BCKDHB: variants seen among roughly 807,000 people sequenced by gnomAD.
BCKDHB encodes the protein 2-oxoisovalerate dehydrogenase subunit beta, mitochondrial.
Under a neutral mutation model 48.5 loss-of-function variants are expected in BCKDHB, and 41 were observed. That is an observed-to-expected ratio of 0.85 (90% confidence interval 0.66 to 1.10). The LOEUF (loss-of-function observed/expected upper bound fraction) is 1.10, where lower values mean the gene tolerates loss of function less well. Among genes scored for constraint, BCKDHB ranks in the 50% least tolerant of loss-of-function variants. The pLI is 0.00. For synonymous variants in BCKDHB, 201 were observed against 174.8 expected (o/e 1.15, Z -1.18); for missense variants, 496 against 494.2 (o/e 1.00, Z -0.03).
At chr6:80,256,550 T>C (rs1319023138) in intron 8 of BCKDHB, among the ~76,000 whole-genome samples, 2 of 152,222 alleles carry the variant, frequency 1.3e-5, no homozygotes, top group Admixed American at 1.3e-4. Context: ...TGACTGTATA[T>C]ACACACACAT....
intron 9 of BCKDHB, among the ~76,000 whole-genome samples, chr6:80,328,426 C>G (rs1427833941): frequency 6.6e-6 from 1 of 152,146 alleles, no homozygotes; most frequent in South Asian, 2.1e-4. Context: ...CTTTCTAATA[C>G]AATATTAGCC....
chr6:80,141,622 C>T (rs1053914289), intron 3 of BCKDHB, among the ~76,000 whole-genome samples: 2 of 151,726 alleles, frequency 1.3e-5, no homozygotes, highest in Non-Finnish European at 2.9e-5. Context: ...AATGTGAGCA[C>T]CAATAGGGGC....
chr6:80,138,164 G>T (rs1250304260), intron 3 of BCKDHB, among the ~76,000 whole-genome samples: 7 of 152,054 alleles, frequency 4.6e-5, no homozygotes, highest in Non-Finnish European at 1.0e-4. Flanking sequence ...AGGTGGAGTT[G>T]CTCAGTGGCA....
intron 8 of BCKDHB, among the ~76,000 whole-genome samples, chr6:80,249,554 G>A (rs776032039): frequency 2.6e-5 from 4 of 152,148 alleles, no homozygotes; most frequent in Admixed American, 2.0e-4. Context: ...TCCAAATAGT[G>A]AAATAGCCTG....
intron 9 of BCKDHB, among the ~76,000 whole-genome samples, chr6:80,323,872 A>C (rs1055105995): frequency 2.6e-5 from 4 of 152,132 alleles, no homozygotes; most frequent in Admixed American, 2.0e-4. Flanking sequence ...CCCCGGGTTC[A>C]CGCCATTCTC....
intron 3 of BCKDHB, among the ~76,000 whole-genome samples, chr6:80,132,937 C>G (rs1468661243): frequency 6.6e-6 from 1 of 152,162 alleles, no homozygotes; most frequent in Middle Eastern, 3.2e-3. Flanking sequence ...TTTAGCTATA[C>G]AGAAGCATAA....
chr6:80,217,854 G>A (rs1029116485), intron 8 of BCKDHB, among the ~76,000 whole-genome samples: 4 of 152,184 alleles, frequency 2.6e-5, no homozygotes, highest in African/African-American at 9.6e-5. Flanking sequence ...GGTAACTAGA[G>A]CGAAGAAGGG....
At position 80,235,821 on chromosome 6, in the gene BCKDHB, G is replaced by A. The variant is rs1776124869; in HGVS notation, c.951+32609G>A. On this transcript the variant is annotated intron_variant, in intron 8 of 9. Coordinates refer to ENST00000320393, the MANE Select transcript of BCKDHB (RefSeq NM_183050.4). ...TTTTATGAACAGCAGATGGCAACAGGACAATGGTCAGTCAGCTTGACTGAG... is the reference window on the plus strand; with the variant it reads ...TTTTATGAACAGCAGATGGCAACAGAACAATGGTCAGTCAGCTTGACTGAG... 2.0e-5 allele frequency among the ~76,000 whole-genome samples: 3 copies of A among 152,136 alleles called. No individual in the cohort carries two copies. The South Asian group carries it at 6.2e-4, about 32-fold the overall frequency.
chr6:80,281,704 C>G (rs990764204), intron 9 of BCKDHB, among the ~76,000 whole-genome samples: 1 of 152,060 alleles, frequency 6.6e-6, no homozygotes, highest in South Asian at 2.1e-4. Context: ...ATTTGCAGTC[C>G]TCCCTGGCAG....
intron 8 of BCKDHB, among the ~76,000 whole-genome samples, chr6:80,257,596 C>T (rs1777108123): frequency 6.6e-6 from 1 of 151,952 alleles, no homozygotes; most frequent in South Asian, 2.1e-4. Context: ...GTTTTATGTG[C>T]TTATCGAGGC....
chr6:80,237,882 TA>T (rs1033091961), intron 8 of BCKDHB, among the ~76,000 whole-genome samples: 14 of 151,656 alleles, frequency 9.2e-5, no homozygotes, highest in African/African-American at 1.9e-4. Flanking sequence ...CAGACTGCTA[TA>T]AAAAAAAGGA....
chr6:80,202,229 A>G (rs1774431054), intron 7 of BCKDHB, among the ~76,000 whole-genome samples: 1 of 152,090 alleles, frequency 6.6e-6, no homozygotes, highest in South Asian at 2.1e-4. Flanking sequence ...TGGTTTACTT[A>G]GCAACCTCTG....
At chr6:80,461,236 A>C in the BCKDHB span, among the ~76,000 whole-genome samples, 1 of 152,048 alleles carries the variant, frequency 6.6e-6, no homozygotes, top group Non-Finnish European at 1.5e-5. Flanking sequence ...TGCTTCTCCT[A>C]TTCTTCCTGT....
At chr6:80,409,586 A>G in the BCKDHB span, among the ~76,000 whole-genome samples, 13 of 12,394 alleles carry the variant, frequency 1.0e-3, no homozygotes, top group African/African-American at 4.5e-3. Flanking sequence ...ATATATATAT[A>G]TATATATATA....
intron 3 of BCKDHB, among the ~76,000 whole-genome samples, chr6:80,133,826 A>G (rs2505933): frequency 0.036 from 5,453 of 152,118 alleles, 315 homozygotes; most frequent in African/African-American, 0.12. Context: ...TATTTTTAGT[A>G]GAGACGGGGT....
intron 3 of BCKDHB, among the ~76,000 whole-genome samples, chr6:80,144,381 C>A (rs2127745752): frequency 6.6e-6 from 1 of 152,234 alleles, no homozygotes; most frequent in African/African-American, 2.4e-5. Flanking sequence ...TTATAGTATA[C>A]AATATGTCAG....
At chr6:80,425,536 A>T in the BCKDHB span, among the ~76,000 whole-genome samples, 2 of 152,212 alleles carry the variant, frequency 1.3e-5, no homozygotes, top group East Asian at 3.9e-4. Context: ...TCATTTCACA[A>T]GCAGTATTTA....
At chr6:80,340,161 T>A (rs1369392008) in intron 9 of BCKDHB, among the ~76,000 whole-genome samples, 1 of 152,244 alleles carries the variant, frequency 6.6e-6, no homozygotes, top group Non-Finnish European at 1.5e-5. Flanking sequence ...TCAAATACTA[T>A]ATTCTAAAAT....
At chr6:80,284,522 G>A (rs986854148) in intron 9 of BCKDHB, among the ~76,000 whole-genome samples, 5 of 152,016 alleles carry the variant, frequency 3.3e-5, no homozygotes, top group Admixed American at 2.6e-4. Flanking sequence ...TTCATTTGAA[G>A]AGACATAACT....
Sources: gnomAD v4.1 joint callset for allele counts (sites outside exome capture counted in the v4.1 genomes callset) on GRCh38, gnomAD v4.1.1 for gene constraint, MANE v1.5 for transcripts, NCBI Gene and HGNC (gene_info 2026-07-23, HGNC 2026-07-21) for gene names.